The following FMO2 variants were observed in gnomAD, a reference collection of about 807,000 sequenced individuals.
FMO2 encodes the protein flavin-containing monooxygenase 2.
In FMO2, 33 loss-of-function variants were observed where a neutral mutation model predicts 41.6. The ratio of observed to expected loss-of-function variants is 0.79; its 90% CI spans 0.60 to 1.06. FMO2 has a LOEUF of 1.06. Ranked by LOEUF, FMO2 falls within the 50% of genes least tolerant of loss-of-function variation. FMO2 has a pLI of 0.00. For synonymous variants in FMO2, 214 were observed against 219.6 expected, an observed-to-expected ratio of 0.97 and a Z score of 0.23; for missense variants, 619 against 632.9, an observed-to-expected ratio of 0.98 and a Z score of 0.23.
chr1:171,193,229 G>A, intron 2 of FMO2, 106 bp from the exon 3 acceptor site: 1 of 701,294 alleles, frequency 1.4e-6, no homozygotes. Context: ...TCACACTGCA[G>A]CAACCAAAGA....
At chr1:171,207,519 T>G (rs1437935369) in intron 7 of FMO2, 199 bp from the exon 8 acceptor site, 2 of 468,234 alleles carry the variant, frequency 4.3e-6, no homozygotes, top group Non-Finnish European at 7.6e-6. Flanking sequence ...CCACTTGTAG[T>G]CCATGCCGTA....
intron 4 of FMO2, among the ~76,000 whole-genome samples, chr1:171,198,539 C>A (rs1194784373): frequency 6.6e-6 from 1 of 151,792 alleles, no homozygotes; most frequent in African/African-American, 2.4e-5. Context: ...CTCAGCCTCC[C>A]AAGTAGCTGG....
chr1:171,207,130 A>C (rs1306376726), intron 7 of FMO2, among the ~76,000 whole-genome samples: 1 of 152,114 alleles, frequency 6.6e-6, no homozygotes, highest in Non-Finnish European at 1.5e-5. Context: ...AGGGGACTTG[A>C]CCATATTTCA....
At chr1:171,206,528 G>A (rs1658764317) in intron 7 of FMO2, among the ~76,000 whole-genome samples, 1 of 152,162 alleles carries the variant, frequency 6.6e-6, no homozygotes, top group African/African-American at 2.4e-5. Flanking sequence ...ATGCTATGGA[G>A]CTTAGATTAT....
At chr1:171,205,812 G>C (rs1196037159) in intron 7 of FMO2, among the ~76,000 whole-genome samples, 178 bp downstream of exon 7, 1 of 152,096 alleles carries the variant, frequency 6.6e-6, no homozygotes, top group Non-Finnish European at 1.5e-5. Flanking sequence ...AACAAATACA[G>C]GAATTTAGTA....
rs992342985 is a variant in FMO2 at position 171,211,818 on chromosome 1, A to C, written c.*2673A>C. On this transcript the variant is annotated 3_prime_UTR_variant, in exon 9 of 9. Transcript: ENST00000209929. ...TAACTCAGGGAGCTTATAGAAGTGA[A>C]GATTCCTGAATATAAACATAGTAAT... Among the ~76,000 whole-genome samples the C allele has an allele frequency of 9.4e-5, 14 of 149,100 alleles. No homozygotes were observed. The highest frequency in any genetic ancestry group is 1.6e-4 in the Non-Finnish European group (11 of 68,022).
chr1:171,194,865 T>TA (rs1280286178), intron 3 of FMO2, among the ~76,000 whole-genome samples: 4 of 152,356 alleles, frequency 2.6e-5, no homozygotes, highest in African/African-American at 9.6e-5. Context: ...AATATCAACT[T>TA]ACAATAGTAA....
In FMO2 at chr1:171,211,216, A is replaced by C. The variant is rs1327015647; in HGVS notation, c.*2071A>C. 1.3e-5 allele frequency: 2 copies of C among 152,164 alleles called. No homozygotes were observed. Among genetic ancestry groups the C allele is most frequent in the African/African-American group, 2.4e-5 (1 of 41,442 alleles). 9.4% of individuals were successfully genotyped at this position (152,164 alleles called of 1,614,324 possible). A position where few individuals can be genotyped will look rare whatever the true frequency, so the allele number is the denominator to read the frequency against. On this transcript the variant is annotated 3_prime_UTR_variant, in exon 9 of 9. Coordinates refer to ENST00000209929, the MANE Select transcript of FMO2 (RefSeq NM_001460.5). Reference sequence around the variant, plus strand: ...GCTCACTATCTGTTTTTGTAAATAAAATTTTATAATAGTACACAGCCACAC... The same window carrying C: ...GCTCACTATCTGTTTTTGTAAATAACATTTTATAATAGTACACAGCCACAC...
intron 6 of FMO2, among the ~76,000 whole-genome samples, chr1:171,204,711 T>C (rs1030284754): frequency 6.6e-6 from 1 of 152,138 alleles, no homozygotes; most frequent in Admixed American, 6.6e-5. Context: ...GAAAATGTTC[T>C]CAAATCTACA....
At chr1:171,191,429 A>G (rs930401168) in intron 2 of FMO2, among the ~76,000 whole-genome samples, 2 of 152,230 alleles carry the variant, frequency 1.3e-5, no homozygotes, top group Admixed American at 6.5e-5. Context: ...ATTCAAAACT[A>G]TGGCTGGCTT....
chr1:171,198,889 TTTTTTTGTTTG>T (rs1346629231), intron 4 of FMO2, among the ~76,000 whole-genome samples: 1 of 151,754 alleles, frequency 6.6e-6, no homozygotes, highest in Non-Finnish European at 1.5e-5. Context: ...TTTGGTCCTG[TTTTTTTGTTTG>T]TTTTTTGTTT....
At position 171,196,675 on chromosome 1, in the gene FMO2, T is replaced by C; in HGVS notation, c.348T>C (p.Cys116=). 6.2e-7 allele frequency: 1 copy of C among 1,613,250 alleles called. No homozygotes were observed. The highest frequency in any genetic ancestry group is 1.1e-5 in the South Asian group (1 of 91,034). Residue 116 remains cysteine (C), a synonymous_variant, in exon 4 of 9, where the codon TGT becomes TGC. Coordinates refer to ENST00000209929, the MANE Select transcript of FMO2 (RefSeq NM_001460.5). Reference sequence around the variant, plus strand: ...CAACTGTCCTTAGTGTGAGAAAATGTCCAGATTTCTCATCCTCTGGCCAAT... The same window carrying C: ...CAACTGTCCTTAGTGTGAGAAAATGCCCAGATTTCTCATCCTCTGGCCAAT... The part of the protein sequence containing the change: ...FQTTVLSVRK[C]PDFSSSGQWK...
At chr1:171,201,310 A>C (rs781583334) in intron 5 of FMO2, among the ~76,000 whole-genome samples, 3 of 152,198 alleles carry the variant, frequency 2.0e-5, no homozygotes, top group African/African-American at 7.2e-5. Flanking sequence ...TTCCTCCTAA[A>C]TATAATGTTA....
chr1:171,186,376 C>T (rs1657849893), intron 2 of FMO2: 1 of 152,598 alleles, frequency 6.6e-6, no homozygotes, highest in African/African-American at 2.4e-5. Context: ...ATTGATAATG[C>T]TATTTGTCTG....
chr1:171,197,019 A>G (rs537024861), intron 4 of FMO2, among the ~76,000 whole-genome samples: 2 of 152,258 alleles, frequency 1.3e-5, no homozygotes, highest in South Asian at 4.1e-4. Flanking sequence ...CTCAGAGCCA[A>G]CTTCCTTGGA....
chr1:171,200,252 G>A (rs1243965046), intron 5 of FMO2, among the ~76,000 whole-genome samples: 1 of 152,152 alleles, frequency 6.6e-6, no homozygotes, highest in Non-Finnish European at 1.5e-5. Flanking sequence ...CACCTGCTCA[G>A]GAATGACACC....
chr1:171,191,303 C>T (rs1658073694), intron 2 of FMO2, among the ~76,000 whole-genome samples: 1 of 152,168 alleles, frequency 6.6e-6, no homozygotes, highest in South Asian at 2.1e-4. Flanking sequence ...CTTCTCATCA[C>T]TCAAAATTCC....
intron 4 of FMO2, 135 bp downstream of exon 4, chr1:171,196,946 G>A (rs2101994059): frequency 1.4e-6 from 1 of 695,498 alleles, no homozygotes; most frequent in South Asian, 2.0e-5. Flanking sequence ...GAGCTAGAAA[G>A]ATGAAAGACA....
At position 171,193,405 on chromosome 1, in the gene FMO2, G is replaced by A. The variant is rs1484428191; in HGVS notation, c.203G>A (p.Cys68Tyr). The A allele has an allele frequency of 6.2e-7, 1 of 1,608,932 alleles. No individual in the cohort carries two copies. The highest frequency in any genetic ancestry group is 8.5e-7 in the Non-Finnish European group (1 of 1,178,438). Reference protein sequence around the residue: ...VVTNTSKEMSCFSDFPMPEDF... With the variant: ...VVTNTSKEMSYFSDFPMPEDF... The stretch of plus-strand genomic sequence containing the variant: ...ACCAACACCAGCAAAGAAATGTCCT[G>A]TTTCAGTGACTTTCCAATGCCTGAA... The change falls in exon 3 of 9, where the codon TGT becomes TAT. Residue 68 changes from cysteine (C) to tyrosine (Y), a missense_variant. Transcript: ENST00000209929.
Sources: gnomAD v4.1 joint callset for allele counts (sites outside exome capture counted in the v4.1 genomes callset) on GRCh38, gnomAD v4.1.1 for gene constraint, MANE v1.5 for transcripts, NCBI Gene and HGNC (gene_info 2026-07-23, HGNC 2026-07-21) for gene names.